Variants in TM2D3 observed in about 807,000 individuals in gnomAD.
TM2D3 encodes TM2 domain containing 3.
TM2D3 carries 33 observed loss-of-function variants against 27.3 expected under a neutral mutation model. The observed-to-expected ratio is 1.21, with a 90% CI of 0.92 to 1.61. The LOEUF (loss-of-function observed/expected upper bound fraction) is 1.61, where lower values mean the gene tolerates loss of function less well. TM2D3 is among the 40% of genes most tolerant of loss of function. The probability of loss-of-function intolerance (pLI) is 0.00; values close to 1 mark genes in which losing one functional copy is unlikely to be tolerated. For missense variants in TM2D3, 364 were observed against 320.8 expected (o/e 1.13, Z -1.03); for synonymous variants, 138 against 122.2 (o/e 1.13, Z -0.85).
At chr15:101,643,476 C>A (rs2141362313) in intron 5 of TM2D3, among the ~76,000 whole-genome samples, 1 of 151,878 alleles carries the variant, frequency 6.6e-6, no homozygotes, top group South Asian at 2.1e-4. Context: ...GTGGCGGGCG[C>A]CTGTAGTCCC....
downstream of TM2D3, among the ~76,000 whole-genome samples, chr15:101,641,647 T>A (rs1279339555): frequency 6.6e-6 from 1 of 152,162 alleles, no homozygotes; most frequent in Non-Finnish European, 1.5e-5. Flanking sequence ...ATAACTGAGT[T>A]TTTTTTCCCC....
intron 5 of TM2D3, among the ~76,000 whole-genome samples, chr15:101,644,713 GTTT>G (rs912830910): frequency 1.3e-5 from 2 of 152,070 alleles, no homozygotes; most frequent in African/African-American, 4.8e-5. Flanking sequence ...AATTTTTAAT[GTTT>G]TTGTCATTTT....
chr15:101,633,601 A>G, exon 5 of TM2D3: 1 of 1,273,660 alleles, frequency 7.9e-7, no homozygotes. Context: ...CTCATCTGCA[A>G]CAACACAGTG....
At chr15:101,641,734 ACT>A (rs989244592), downstream of TM2D3, 6 of 288,126 alleles carry the variant, frequency 2.1e-5, no homozygotes, top group South Asian at 1.4e-4. Flanking sequence ...GCCAATTATG[ACT>A]CTGTTAGAAT....
chr15:101,651,405 A>C (rs1896963902), intron 2 of TM2D3: 1 of 354,674 alleles, frequency 2.8e-6, no homozygotes, highest in Admixed American at 4.5e-5. Context: ...AAGGGAAAGA[A>C]GCACGGACTG....
exon 5 of TM2D3, chr15:101,633,028 TGAAA>T (rs1380966202): frequency 2.0e-5 from 3 of 152,202 alleles, no homozygotes; most frequent in African/African-American, 7.2e-5. Context: ...TTTCAAGTGC[TGAAA>T]GAAAAAGAAA....
At chr15:101,647,900 T>C (rs957782706) in intron 3 of TM2D3, among the ~76,000 whole-genome samples, 1 of 151,898 alleles carries the variant, frequency 6.6e-6, no homozygotes, top group African/African-American at 2.4e-5. Context: ...CACACATTAT[T>C]TTTTTTTCTT....
intron 2 of TM2D3, 46 bp from the exon 3 acceptor site, chr15:101,650,207 G>C: frequency 6.4e-7 from 1 of 1,558,342 alleles, no homozygotes; most frequent in Non-Finnish European, 8.8e-7. Context: ...ATACTGATTC[G>C]AATAACAGAG....
intron 1 of TM2D3, 77 bp downstream of exon 1, chr15:101,652,194 G>C: frequency 7.4e-7 from 1 of 1,343,912 alleles, no homozygotes; most frequent in Middle Eastern, 1.8e-4. Context: ...TCCGCCCGTG[G>C]GCCCGGCCTC....
intron 5 of TM2D3, among the ~76,000 whole-genome samples, chr15:101,644,381 C>A (rs995398343): frequency 3.3e-5 from 5 of 152,202 alleles, no homozygotes; most frequent in Admixed American, 1.3e-4. Flanking sequence ...GCCAGTGATG[C>A]TGCTCAACAC....
At chr15:101,646,391 C>A in intron 4 of TM2D3, 7 of 106,566 alleles carry the variant, frequency 6.6e-5, no homozygotes, top group Non-Finnish European at 1.5e-4. Flanking sequence ...GGAAAGGCAA[C>A]CAGGTGAAGG....
At chr15:101,637,323 T>TA (rs1274306464), downstream of TM2D3, among the ~76,000 whole-genome samples, 2 of 152,176 alleles carry the variant, frequency 1.3e-5, no homozygotes, top group Non-Finnish European at 2.9e-5. Context: ...AAATGTTTCT[T>TA]AGACTGAAAA....
chr15:101,642,552 A>G lies in TM2D3; in HGVS notation c.671T>C (p.Ile224Thr). The G allele has an allele frequency of 1.2e-6, 2 of 1,613,452 alleles. No individual in the cohort carries two copies. Among genetic ancestry groups the G allele is most frequent in the South Asian group, 2.2e-5 (2 of 90,980 alleles). The change falls in exon 6 of 6, where the codon ATA becomes ACA. Residue 224 changes from isoleucine to threonine, a missense_variant. Physicochemically the swap from Ile to Thr is moderately conservative, Grantham distance 89. Coordinates refer to ENST00000333202, the MANE Select transcript of TM2D3 (RefSeq NM_078474.3). ...GKLFSFGGLG[I>T]WTLIDVLLIG... ...GAGCAGGACGTCTATCAGCGTCCATATTCCCAGGCCACCGAAGCTGAAGAG... is the reference window on the plus strand; with the variant it reads ...GAGCAGGACGTCTATCAGCGTCCATGTTCCCAGGCCACCGAAGCTGAAGAG...
intron 2 of TM2D3, 166 bp downstream of exon 2, chr15:101,651,530 C>T: frequency 4.8e-6 from 3 of 630,506 alleles, no homozygotes; most frequent in Non-Finnish European, 8.2e-6. Context: ...CGAAGACTAT[C>T]TACTGAAAAT....
intron 4 of TM2D3, chr15:101,633,879 C>T (rs974661846): frequency 8.4e-5 from 48 of 573,168 alleles, no homozygotes; most frequent in African/African-American, 3.4e-4. Flanking sequence ...AAGGTGCCAG[C>T]GTTGAGAAGA....
chr15:101,642,323 T>C lies in TM2D3; in HGVS notation c.*156A>G, dbSNP rs958236141. The C allele has an allele frequency of 6.1e-6, 8 of 1,319,664 alleles. No individual in the cohort carries two copies. The highest frequency in any genetic ancestry group is 2.5e-5 in the South Asian group (1 of 40,566). The allele number at this position is 1,319,664 out of a possible 1,614,324, so 81.7% of individuals were successfully genotyped here. On this transcript the variant is annotated 3_prime_UTR_variant, in exon 6 of 6. Coordinates refer to ENST00000333202, the MANE Select transcript of TM2D3 (RefSeq NM_078474.3). ...AATAAAAACAAATTCCAGATTAGCA[T>C]AGTTCAGCGTTTCATTTATCTTACC...
At chr15:101,633,016 CT>C (rs1349475158) in exon 5 of TM2D3, 1 of 152,172 alleles carries the variant, frequency 6.6e-6, no homozygotes, top group African/African-American at 2.4e-5. Context: ...TGTCATAAGA[CT>C]TTTCAAGTGC....
At position 101,651,201 on chromosome 15, in the gene TM2D3, A is replaced by G. The variant is rs144812728; in HGVS notation, c.169+495T>C. On this transcript the variant is annotated intron_variant, in intron 2 of 5. Transcript: ENST00000333202. ...GAAATGACTTTAGGTCGTCAGACCA[A>G]CCCCACCGCTTTAAAGATGAGGACC... 8.3e-3 allele frequency: 1,279 copies of G among 154,050 alleles called. 23 individuals are homozygous for G. The highest frequency in any genetic ancestry group is 0.029 in the African/African-American group (1,204 of 41,578). The allele number at this position is 154,050 out of a possible 1,614,324, so 9.5% of individuals were successfully genotyped here. A position where few individuals can be genotyped will look rare whatever the true frequency, so the allele number is the denominator to read the frequency against.
exon 5 of TM2D3, chr15:101,633,690 A>G (rs1266425314): frequency 6.5e-7 from 1 of 1,534,034 alleles, no homozygotes; most frequent in South Asian, 1.2e-5. Flanking sequence ...ATGAAGTCCA[A>G]CAGTGAGCTG....
Sources: gnomAD v4.1 joint callset for allele counts (sites outside exome capture counted in the v4.1 genomes callset) on GRCh38, gnomAD v4.1.1 for gene constraint, MANE v1.5 for transcripts, NCBI Gene and HGNC (gene_info 2026-07-23, HGNC 2026-07-21) for gene names.